Variants in LTBP1 observed in about 807,000 individuals in gnomAD.
LTBP1 encodes the protein latent-transforming growth factor beta-binding protein 1.
LTBP1 carries 129 observed loss-of-function variants against 207.6 expected under a neutral mutation model. The ratio of observed to expected loss-of-function variants is 0.62; its 90% CI spans 0.54 to 0.72. LTBP1 has a LOEUF of 0.72. Ranked by LOEUF, LTBP1 falls within the 30% of genes least tolerant of loss-of-function variation. LTBP1 has a pLI of 0.00. For missense variants in LTBP1, 2,281 were observed against 2,217.2 expected, an observed-to-expected ratio of 1.03 and a Z score of -0.58; for synonymous variants, 963 against 833.7, an observed-to-expected ratio of 1.16 and a Z score of -2.67.
Position 33,262,757 on chromosome 2 carries a change from T to G in LTBP1, c.2454T>G (p.Leu818=). ...IPSLDQEKTK[L]EPGQPQLSPG... is the part of the protein sequence containing the mutation. ...CATTGGATCAAGAGAAAACCAAACT[T>G]GAGCCTGGTCAACCCCAGCTGTCTC... The change falls in exon 14 of 34, where the codon CTT becomes CTG. Residue 818 remains leucine (L), a synonymous_variant. Transcript: ENST00000404816. The G allele has an allele frequency of 6.2e-7, 1 of 1,605,942 alleles. No homozygotes were observed. The highest frequency in any genetic ancestry group is 8.5e-7 in the Non-Finnish European group (1 of 1,175,024).
In LTBP1 at chr2:32,968,733, T is replaced by C. The variant is rs189072956; in HGVS notation, c.565+19788T>C. 1.4e-3 allele frequency among the ~76,000 whole-genome samples: 219 copies of C among 151,688 alleles called. 2 individuals are homozygous for C. Among genetic ancestry groups the C allele is most frequent in the Admixed American group, 0.012 (175 of 15,214 alleles). On this transcript the variant is annotated intron_variant, in intron 2 of 33. Coordinates refer to ENST00000404816, the MANE Select transcript of LTBP1 (RefSeq NM_206943.4). ...TTCTACTCTTTTTTCCTGCCTTTTT[T>C]TTTTTTTTAAGACAGGGTCTTGCTC... is the stretch of plus-strand genomic sequence containing the variant.
intron 32 of LTBP1, among the ~76,000 whole-genome samples, chr2:33,393,450 C>T (rs1263081057): frequency 1.4e-5 from 2 of 140,524 alleles, no homozygotes; most frequent in South Asian, 4.9e-4. Flanking sequence ...CCTCCCCCAA[C>T]CCCGCGAAAG....
chr2:33,134,199 A>C lies in LTBP1; in HGVS notation c.1034-594A>C, dbSNP rs959688248. 1.3e-5 allele frequency among the ~76,000 whole-genome samples: 2 copies of C among 152,354 alleles called. No homozygotes were observed. Among genetic ancestry groups the C allele is most frequent in the East Asian group, 3.9e-4 (2 of 5,190 alleles). ...AGAAATAGTGCCCTGGAGTTGTGAA[A>C]AAGAAATGGGCTCCCGCAGCTGCGT... On this transcript the variant is annotated intron_variant, in intron 4 of 33. Coordinates refer to ENST00000404816, the MANE Select transcript of LTBP1 (RefSeq NM_206943.4). This position sits in a 1 kb window ranked among gnomAD's most constrained non-coding sequence, Gnocchi z 4.4.
At chr2:33,327,707 A>G (rs960338110) in intron 24 of LTBP1, among the ~76,000 whole-genome samples, 2 of 152,206 alleles carry the variant, frequency 1.3e-5, no homozygotes, top group African/African-American at 4.8e-5. Context: ...TCTAATATAT[A>G]TGCCACAATA....
At chr2:33,171,974 A>G (rs2085502818) in intron 5 of LTBP1, among the ~76,000 whole-genome samples, 1 of 148,698 alleles carries the variant, frequency 6.7e-6, no homozygotes, top group Non-Finnish European at 1.5e-5. Flanking sequence ...TTTTGTCACC[A>G]CCAGGCCTGC....
chr2:33,120,235 C>T (rs2081025723), intron 4 of LTBP1, among the ~76,000 whole-genome samples: 2 of 149,344 alleles, frequency 1.3e-5, no homozygotes, highest in Admixed American at 1.3e-4. Flanking sequence ...AAGTTTGTTA[C>T]ATAGGTAAAC....
chr2:33,366,345 CGA>C (rs938024245), intron 31 of LTBP1, among the ~76,000 whole-genome samples: 2 of 151,994 alleles, frequency 1.3e-5, no homozygotes, highest in African/African-American at 4.8e-5. Flanking sequence ...TCAGAATGGT[CGA>C]GAGGGGAAAA....
intron 5 of LTBP1, among the ~76,000 whole-genome samples, chr2:33,166,808 C>T (rs889816818): frequency 3.1e-4 from 47 of 152,198 alleles, no homozygotes; most frequent in African/African-American, 1.7e-4. Flanking sequence ...CATGTTGGCT[C>T]ATCTCATCAG....
chr2:33,240,530 T>C (rs966496889), intron 9 of LTBP1, among the ~76,000 whole-genome samples: 11 of 152,336 alleles, frequency 7.2e-5, no homozygotes, highest in African/African-American at 2.6e-4. Flanking sequence ...TTCTTAATAA[T>C]TAGAAATGTC....
Position 33,274,260 on chromosome 2 carries a change from GA to G in LTBP1, c.2743+490del, listed in dbSNP as rs781333176. 4.7e-3 allele frequency among the ~76,000 whole-genome samples: 642 copies of G among 136,384 alleles called. 5 individuals are homozygous for G. Among genetic ancestry groups the G allele is most frequent in the African/African-American group, 0.014 (521 of 37,448 alleles). 89.5% of individuals were successfully genotyped at this position (136,384 alleles called of 152,430 possible). On this transcript the variant is annotated intron_variant, in intron 16 of 33. Coordinates refer to ENST00000404816, the MANE Select transcript of LTBP1 (RefSeq NM_206943.4). ...AGGGATCTCATATATGCTCCTTTTG[GA>G]AAAAAAAAAAGTATCTCAGAAAGAT...
At chr2:33,233,562 G>T (rs72799708) in intron 9 of LTBP1, among the ~76,000 whole-genome samples, 3 of 151,812 alleles carry the variant, frequency 2.0e-5, no homozygotes, top group Non-Finnish European at 4.4e-5. Flanking sequence ...TTTTTAATTG[G>T]GTTGATAAGC....
At chr2:33,290,796 G>A (rs966193366) in intron 19 of LTBP1, among the ~76,000 whole-genome samples, 2 of 152,194 alleles carry the variant, frequency 1.3e-5, no homozygotes, top group Non-Finnish European at 2.9e-5. Context: ...GGAGGGGTCA[G>A]TTTTGGCCAT....
chr2:33,236,187 G>A (rs1372751760), intron 9 of LTBP1, among the ~76,000 whole-genome samples: 1 of 152,172 alleles, frequency 6.6e-6, no homozygotes, highest in African/African-American at 2.4e-5. Flanking sequence ...ACTTAGAAAT[G>A]TTTAATATTC....
intron 25 of LTBP1, among the ~76,000 whole-genome samples, chr2:33,345,136 G>A (rs191867503): frequency 2.0e-5 from 3 of 152,346 alleles, no homozygotes; most frequent in Admixed American, 6.5e-5. Context: ...ACAGGGATGA[G>A]TGAGCACCTG....
chr2:33,146,757 C>T (rs1177975948), intron 5 of LTBP1, among the ~76,000 whole-genome samples: 2 of 152,154 alleles, frequency 1.3e-5, no homozygotes, highest in East Asian at 1.9e-4. Flanking sequence ...GGAGATGCTA[C>T]ACACTTTTAA....
Position 32,975,604 on chromosome 2 carries a change from T to G in LTBP1, c.565+26659T>G, listed in dbSNP as rs1245899980. ...CTTTGTTTTTTTTTTTTTTTTTTTT[T>G]TTTTTTTTTTTTTTTTTGTCTGACT... On this transcript the variant is annotated intron_variant, in intron 2 of 33. Coordinates refer to ENST00000404816, the MANE Select transcript of LTBP1 (RefSeq NM_206943.4). 3.9e-4 allele frequency among the ~76,000 whole-genome samples: 51 copies of G among 131,034 alleles called. 1 individual carries two copies. Among genetic ancestry groups the G allele is most frequent in the African/African-American group, 1.4e-3 (46 of 33,100 alleles). 86.0% of individuals were successfully genotyped at this position (131,034 alleles called of 152,430 possible). A position where few individuals can be genotyped will look rare whatever the true frequency, so the allele number is the denominator to read the frequency against.
intron 2 of LTBP1, among the ~76,000 whole-genome samples, chr2:33,005,177 A>G (rs562059196): frequency 7.2e-5 from 11 of 152,332 alleles, no homozygotes; most frequent in South Asian, 4.1e-4. Context: ...ATGACAAAAT[A>G]CCTAAAACCA....
intron 5 of LTBP1, among the ~76,000 whole-genome samples, chr2:33,154,549 A>G (rs1375178587): frequency 6.6e-6 from 1 of 152,250 alleles, no homozygotes. Context: ...TAAAGGCTGC[A>G]TATTCCATCC....
chr2:33,316,530 C>T (rs1163957040), intron 24 of LTBP1, among the ~76,000 whole-genome samples: 3 of 152,048 alleles, frequency 2.0e-5, no homozygotes, highest in Non-Finnish European at 4.4e-5. Flanking sequence ...ACATGGATGC[C>T]AGATTTGACT....
Sources: allele counts gnomAD v4.1 joint callset (sites outside exome capture counted in the v4.1 genomes callset), GRCh38; gene constraint gnomAD v4.1.1; non-coding constraint Gnocchi (gnomAD v3.1); transcripts MANE v1.5; gene names NCBI Gene and HGNC (gene_info 2026-07-23, HGNC 2026-07-21).